CASP4: variants seen among roughly 807,000 people sequenced by gnomAD.
The protein encoded by CASP4 is caspase-4.
CASP4 carries 29 observed loss-of-function variants against 41.3 expected under a neutral mutation model. That is an observed-to-expected ratio of 0.70 (90% CI 0.52 to 0.96). The LOEUF (loss-of-function observed/expected upper bound fraction) is 0.96, where lower values mean the gene tolerates loss of function less well. Ranked by LOEUF, CASP4 falls within the 40% of genes least tolerant of loss-of-function variation. The pLI is 0.00. For synonymous variants in CASP4, 185 were observed against 158.4 expected, an observed-to-expected ratio of 1.17 and a Z score of -1.26; for missense variants, 447 against 460.6, an observed-to-expected ratio of 0.97 and a Z score of 0.27.
At position 104,953,041 on chromosome 11, in the gene CASP4, T is replaced by C. The variant is rs543845206; in HGVS notation, c.263-1036A>G. ...TCATAACTTAGTCATCTCCTAATGA[T>C]CATTATGTGTGTGTGTGAGATACAG... On this transcript the variant is annotated intron_variant, in intron 2 of 8. Coordinates refer to ENST00000444739, the MANE Select transcript of CASP4 (RefSeq NM_001225.4). Among the ~76,000 whole-genome samples the C allele has an allele frequency of 1.1e-4, 16 of 152,316 alleles. No homozygotes were observed. In the South Asian group the frequency reaches 2.9e-3, roughly 28 times the overall value.
chr11:104,952,163 G>C, intron 2 of CASP4, 158 bp from the exon 3 acceptor site: 1 of 566,168 alleles, frequency 1.8e-6, no homozygotes, highest in South Asian at 2.3e-5. Context: ...GAGATGTATT[G>C]TTACTGGAAA....
chr11:104,965,213 A>G (rs748445554), intron 1 of CASP4, among the ~76,000 whole-genome samples: 6 of 152,176 alleles, frequency 3.9e-5, no homozygotes, highest in Non-Finnish European at 5.9e-5. Context: ...AGGATTTGTT[A>G]TTTACCTTAC....
rs1860693905 is a variant in CASP4 at position 104,954,751 on chromosome 11, T to C, written c.258A>G (p.Lys86=). ...TTGTAAAAAATCCAGTCTTACCTTTTTTATTGGGGGATATTTGGTCTATGT... is the reference window on the plus strand; with the variant it reads ...TTGTAAAAAATCCAGTCTTACCTTTCTTATTGGGGGATATTTGGTCTATGT... ...FFNIDQISPN[K]KAHPNMEAGP... Residue 86 remains lysine, a synonymous_variant, in exon 2 of 9, where the codon AAA becomes AAG. Transcript: ENST00000444739. The C allele has an allele frequency of 6.2e-7, 1 of 1,612,142 alleles. No individual in the cohort carries two copies. Among genetic ancestry groups the C allele is most frequent in the African/African-American group, 1.3e-5 (1 of 74,850 alleles).
At chr11:104,963,904 T>C (rs752172467) in intron 1 of CASP4, among the ~76,000 whole-genome samples, 35 of 152,088 alleles carry the variant, frequency 2.3e-4, no homozygotes, top group Non-Finnish European at 3.7e-4. Flanking sequence ...GGAAAAAAAA[T>C]GCATGCTTTC....
intron 3 of CASP4, 199 bp from the exon 4 acceptor site, chr11:104,951,297 G>A (rs1465157194): frequency 8.8e-6 from 4 of 455,418 alleles, no homozygotes; most frequent in African/African-American, 2.0e-5. Flanking sequence ...GAATCTTGAG[G>A]AAACTAGATA....
chr11:104,950,850 T>C lies in CASP4; in HGVS notation c.546+75A>G, dbSNP rs1022145387. 6.5e-6 allele frequency: 9 copies of C among 1,381,454 alleles called. No homozygotes were observed. In the African/African-American group the frequency reaches 8.6e-5, roughly 13 times the overall value. 85.6% of individuals were successfully genotyped at this position (1,381,454 alleles called of 1,614,324 possible). ...CAAAGGTTGTTAAACCTTGTTGAGC[T>C]CTTTGAAGCTAGGTAGTTATTAGAA... On this transcript the variant is annotated intron_variant, in intron 4 of 8. Transcript: ENST00000444739.
In CASP4 at chr11:104,959,292, A is replaced by G. The variant is rs368704962; in HGVS notation, c.8-4291T>C. ...AATCCTATCGTTTCTGACAATATTG[A>G]TGAACATGAAGAACATTATATTAAG... On this transcript the variant is annotated intron_variant, in intron 1 of 8. Transcript: ENST00000444739. Among the ~76,000 whole-genome samples the G allele has an allele frequency of 5.9e-5, 9 of 152,310 alleles. No homozygotes were observed. In the East Asian group the frequency reaches 1.7e-3, roughly 29 times the overall value.
intron 1 of CASP4, among the ~76,000 whole-genome samples, chr11:104,957,857 G>A (rs80227753): frequency 0.033 from 4,942 of 152,006 alleles, 289 homozygotes; most frequent in African/African-American, 0.11. Context: ...AGGGAACAAA[G>A]CTGCAGGCAT....
intron 1 of CASP4, among the ~76,000 whole-genome samples, chr11:104,966,867 C>T (rs191624577): frequency 1.3e-5 from 2 of 152,238 alleles, no homozygotes; most frequent in East Asian, 3.9e-4. Context: ...TCTAAGTATC[C>T]CCTTCAACTA....
intron 1 of CASP4, among the ~76,000 whole-genome samples, chr11:104,964,005 G>T (rs1036100126): frequency 2.6e-5 from 4 of 152,118 alleles, no homozygotes; most frequent in Admixed American, 6.5e-5. Context: ...TGAATTTTCT[G>T]TCTGTCTGTG....
chr11:104,947,622 G>C, intron 6 of CASP4: 1 of 153,046 alleles, frequency 6.5e-6, no homozygotes, highest in Non-Finnish European at 1.5e-5. Context: ...AGGCTCCAAA[G>C]TTGTTTGCAG....
chr11:104,948,557 T>C lies in CASP4; in HGVS notation c.901A>G (p.Ile301Val). 5 of 1,609,510 alleles carry C rather than the reference T, an allele frequency of 3.1e-6. No homozygotes were observed. The highest frequency in any genetic ancestry group is 4.2e-6 in the Non-Finnish European group (5 of 1,177,264). Residue 301 changes from isoleucine (I) to valine (V), a missense_variant, in exon 6 of 9, where the codon ATT becomes GTT. Transcript: ENST00000444739. ...VYKTHVEKDF[I>V]AFCSSTPHNV... ...CGTGGCGTTGAAGAGCAGAAAGCAATGAAGTCCTTCTCCACGTGGGTCTTG... is the reference window on the plus strand; with the variant it reads ...CGTGGCGTTGAAGAGCAGAAAGCAACGAAGTCCTTCTCCACGTGGGTCTTG...
chr11:104,950,662 C>T (rs1338244603), intron 4 of CASP4, among the ~76,000 whole-genome samples: 1 of 152,080 alleles, frequency 6.6e-6, no homozygotes, highest in Non-Finnish European at 1.5e-5. Flanking sequence ...GGCTGCATCC[C>T]AATCACATGA....
In CASP4 at chr11:104,954,692, A is replaced by T; in HGVS notation, c.262+55T>A. ...ACAGAAGACACTGCTTAGGCCTTGG[A>T]GTTAAACAGATTTAGGGAAAATTGA... On this transcript the variant is annotated intron_variant, in intron 2 of 8. Coordinates refer to ENST00000444739, the MANE Select transcript of CASP4 (RefSeq NM_001225.4). The T allele has an allele frequency of 2.0e-6, 3 of 1,515,976 alleles. 1 individual carries two copies. In the South Asian group the frequency reaches 3.5e-5, roughly 18 times the overall value. 93.9% of individuals were successfully genotyped at this position (1,515,976 alleles called of 1,614,324 possible). A position where few individuals can be genotyped will look rare whatever the true frequency, so the allele number is the denominator to read the frequency against.
intron 4 of CASP4, 73 bp downstream of exon 4, chr11:104,950,852 T>A: frequency 7.0e-7 from 1 of 1,434,944 alleles, no homozygotes; most frequent in Non-Finnish European, 9.6e-7. Context: ...TGTTGAGCTC[T>A]TTGAAGCTAG....
At chr11:104,950,797 T>TACGCAC in intron 4 of CASP4, 128 bp downstream of exon 4, 1 of 463,860 alleles carries the variant, frequency 2.2e-6, no homozygotes, top group Non-Finnish European at 3.8e-6. Flanking sequence ...TTATTTTGTA[T>TACGCAC]ACACACACAC....
chr11:104,957,868 C>T (rs1860770212), intron 1 of CASP4, among the ~76,000 whole-genome samples: 1 of 151,920 alleles, frequency 6.6e-6, no homozygotes. Context: ...CTGCAGGCAT[C>T]GCACTATCTG....
chr11:104,954,690 G>A (rs1860691844), intron 2 of CASP4, 57 bp downstream of exon 2: 1 of 1,495,294 alleles, frequency 6.7e-7, no homozygotes, highest in African/African-American at 1.4e-5. Context: ...CTTAGGCCTT[G>A]GAGTTAAACA....
chr11:104,950,795 T>TACAC, intron 4 of CASP4, 130 bp downstream of exon 4: 2 of 93,718 alleles, frequency 2.1e-5, no homozygotes, highest in Non-Finnish European at 3.5e-5. Context: ...TCTTATTTTG[T>TACAC]ATACACACAC....
Sources: allele counts gnomAD v4.1 joint callset (sites outside exome capture counted in the v4.1 genomes callset), GRCh38; gene constraint gnomAD v4.1.1; transcripts MANE v1.5; gene names NCBI Gene and HGNC (gene_info 2026-07-23, HGNC 2026-07-21).